ATP9B: variants seen among roughly 807,000 people sequenced by gnomAD.
ATP9B encodes ATPase phospholipid transporting 9B, also known as probable phospholipid-transporting ATPase IIB.
ATP9B carries 110 observed loss-of-function variants against 146.1 expected under a neutral mutation model. That is an observed-to-expected ratio of 0.75 (90% CI 0.65 to 0.88). The LOEUF (loss-of-function observed/expected upper bound fraction) is 0.88. ATP9B is among the 40% of genes least tolerant of loss of function. The probability of loss-of-function intolerance (pLI) is 0.00; values close to 1 mark genes in which losing one functional copy is unlikely to be tolerated. For synonymous variants in ATP9B, 604 were observed against 569.7 expected (o/e 1.06, Z -0.86); for missense variants, 1,499 against 1,496.4 (o/e 1.00, Z -0.03).
At chr18:79,256,764 G>T (rs1335761245) in intron 12 of ATP9B, among the ~76,000 whole-genome samples, 1 of 152,056 alleles carries the variant, frequency 6.6e-6, no homozygotes, top group East Asian at 1.9e-4. Context: ...TCATTTTGCT[G>T]TCCTGTTTGG....
At chr18:79,282,031 A>T (rs1337838138) in intron 13 of ATP9B, among the ~76,000 whole-genome samples, 3 of 152,210 alleles carry the variant, frequency 2.0e-5, no homozygotes, top group Non-Finnish European at 4.4e-5. Flanking sequence ...GAAGGTTTCA[A>T]GACCTCAGCG....
intron 12 of ATP9B, among the ~76,000 whole-genome samples, chr18:79,258,359 G>A (rs1429020348): frequency 2.0e-5 from 3 of 152,142 alleles, no homozygotes; most frequent in African/African-American, 7.2e-5. Flanking sequence ...TAGCCCAGGA[G>A]GTTGAGGCTG....
chr18:79,145,263 C>A, intron 6 of ATP9B: 1 of 137,270 alleles, frequency 7.3e-6, no homozygotes, highest in South Asian at 1.2e-4. Context: ...AGCTGCATGT[C>A]GGGGGAGCTG....
chr18:79,166,165 A>T (rs2094961642), intron 7 of ATP9B, among the ~76,000 whole-genome samples: 1 of 152,210 alleles, frequency 6.6e-6, no homozygotes, highest in Admixed American at 6.5e-5. Flanking sequence ...ATAGCCTGGC[A>T]GAGTTCATTT....
chr18:79,235,001 T>A (rs1323816040), intron 11 of ATP9B, among the ~76,000 whole-genome samples: 3 of 152,116 alleles, frequency 2.0e-5, no homozygotes, highest in Non-Finnish European at 4.4e-5. Flanking sequence ...GCCTCCCGAG[T>A]AGCTGGGACT....
intron 9 of ATP9B, among the ~76,000 whole-genome samples, chr18:79,200,758 G>GGGACTGTCGGGGTCAGAGCAGA (rs2095473127): frequency 2.0e-5 from 3 of 152,252 alleles, no homozygotes; most frequent in East Asian, 1.9e-4. Flanking sequence ...GGTGGAGGTG[G>GGGACTGTCGGGGTCAGAGCAGA]GAACGTTGGG....
intron 9 of ATP9B, among the ~76,000 whole-genome samples, chr18:79,204,518 A>G (rs2095517168): frequency 6.6e-6 from 1 of 152,210 alleles, no homozygotes; most frequent in African/African-American, 2.4e-5. Context: ...ACTTAAAAAT[A>G]TATATCCTTA....
At chr18:79,093,541 C>T (rs2074526404) in intron 1 of ATP9B, among the ~76,000 whole-genome samples, 1 of 152,118 alleles carries the variant, frequency 6.6e-6, no homozygotes, top group Non-Finnish European at 1.5e-5. Context: ...TGACTTCATC[C>T]TGTTTTAAGT....
At chr18:79,303,395 C>T (rs1038544004) in intron 13 of ATP9B, among the ~76,000 whole-genome samples, 2 of 152,018 alleles carry the variant, frequency 1.3e-5, no homozygotes, top group African/African-American at 4.8e-5. Flanking sequence ...TATAAAGGTA[C>T]CTTGACATGC....
intron 10 of ATP9B, among the ~76,000 whole-genome samples, chr18:79,208,844 A>G (rs992875018): frequency 2.0e-5 from 3 of 152,208 alleles, no homozygotes; most frequent in Non-Finnish European, 4.4e-5. Flanking sequence ...AGAGGTGAGC[A>G]GGACAGTTTC....
At chr18:79,356,287 G>A (rs1456145360) in intron 25 of ATP9B, among the ~76,000 whole-genome samples, 1 of 152,156 alleles carries the variant, frequency 6.6e-6, no homozygotes, top group Admixed American at 6.5e-5. Flanking sequence ...TCTGGAAGAT[G>A]TCCTAGCACT....
intron 19 of ATP9B, among the ~76,000 whole-genome samples, chr18:79,339,385 G>A (rs897731164): frequency 6.7e-6 from 1 of 149,534 alleles, no homozygotes; most frequent in Non-Finnish European, 1.5e-5. Context: ...ATCGCAGTAG[G>A]AAGTGTGCAT....
chr18:79,351,913 G>A (rs2147663287), intron 25 of ATP9B, among the ~76,000 whole-genome samples: 1 of 152,194 alleles, frequency 6.6e-6, no homozygotes, highest in African/African-American at 2.4e-5. Context: ...CTCTGCCCTT[G>A]CCCCCCAAGC....
At chr18:79,150,363 C>T (rs568186202) in intron 6 of ATP9B, among the ~76,000 whole-genome samples, 4 of 151,676 alleles carry the variant, frequency 2.6e-5, no homozygotes, top group East Asian at 1.9e-4. Context: ...CACTCCTGGA[C>T]GTTTATCACA....
At chr18:79,118,884 A>T (rs531983576) in intron 4 of ATP9B, among the ~76,000 whole-genome samples, 1 of 152,144 alleles carries the variant, frequency 6.6e-6, no homozygotes, top group South Asian at 2.1e-4. Flanking sequence ...AACCTGGGTA[A>T]GATGGTGAAA....
At chr18:79,177,586 C>T (rs937027559) in intron 8 of ATP9B, among the ~76,000 whole-genome samples, 1 of 152,110 alleles carries the variant, frequency 6.6e-6, no homozygotes, top group African/African-American at 2.4e-5. Context: ...CTCTCCTTTG[C>T]GACTTTGTAT....
At chr18:79,264,115 T>C (rs1484037179) in intron 12 of ATP9B, among the ~76,000 whole-genome samples, 1 of 152,074 alleles carries the variant, frequency 6.6e-6, no homozygotes, top group African/African-American at 2.4e-5. Flanking sequence ...AAAACATATC[T>C]AGGAGCAGCA....
At chr18:79,196,139 C>T (rs1363685946) in intron 9 of ATP9B, among the ~76,000 whole-genome samples, 1 of 152,204 alleles carries the variant, frequency 6.6e-6, no homozygotes, top group Non-Finnish European at 1.5e-5. Context: ...CATACAAGAG[C>T]AGCACAGCCT....
intron 13 of ATP9B, among the ~76,000 whole-genome samples, chr18:79,300,648 C>T (rs1165021107): frequency 6.6e-6 from 1 of 152,228 alleles, no homozygotes; most frequent in Non-Finnish European, 1.5e-5. Flanking sequence ...TCTGCACTTG[C>T]AGCTGACTCC....
Sources: gnomAD v4.1 joint callset for allele counts (sites outside exome capture counted in the v4.1 genomes callset) on GRCh38, gnomAD v4.1.1 for gene constraint, MANE v1.5 for transcripts, NCBI Gene and HGNC (gene_info 2026-07-23, HGNC 2026-07-21) for gene names.